The following ATAD1 variants were observed in gnomAD, a reference collection of about 807,000 sequenced individuals.
ATAD1 encodes the protein ATPase family AAA domain containing 1.
Under a neutral mutation model 42.7 loss-of-function variants are expected in ATAD1, and 18 were observed. That is an observed-to-expected ratio of 0.42 (90% CI 0.29 to 0.63). The LOEUF (loss-of-function observed/expected upper bound fraction) is 0.63. Ranked by LOEUF, ATAD1 falls within the 20% of genes least tolerant of loss-of-function variation. ATAD1 has a pLI of 0.19. For synonymous variants in ATAD1, 132 were observed against 143.1 expected (o/e 0.92, Z 0.55); for missense variants, 294 against 440.4 (o/e 0.67, Z 2.98).
At chr10:87,809,123 T>C (rs1422082474) in intron 2 of ATAD1, among the ~76,000 whole-genome samples, 1 of 152,180 alleles carries the variant, frequency 6.6e-6, no homozygotes, top group Non-Finnish European at 1.5e-5. Context: ...GAAATGCATA[T>C]TTTTCTAAGG....
chr10:87,760,555 C>T (rs1035868437), intron 8 of ATAD1, among the ~76,000 whole-genome samples: 6 of 152,102 alleles, frequency 3.9e-5, no homozygotes, highest in South Asian at 2.1e-4. Context: ...GGTTTGAGAA[C>T]GGGCTAACAC....
Position 87,773,144 on chromosome 10 carries a change from C to A in ATAD1, c.691-2103G>T, listed in dbSNP as rs201109950. On this transcript the variant is annotated intron_variant, in intron 6 of 9. Coordinates refer to ENST00000680024, the MANE Select transcript of ATAD1 (RefSeq NM_001321967.2). The stretch of plus-strand genomic sequence containing the variant: ...CTATGTAACAAACCTGCACATATAC[C>A]CCTGAATTTAAAATAAAAGTTTAAA... Among the ~76,000 whole-genome samples, 42 of 151,936 alleles carry A rather than the reference C, an allele frequency of 2.8e-4. No homozygotes were observed. The East Asian group carries it at 7.3e-3, about 27-fold the overall frequency.
At chr10:87,821,842 A>G (rs975162732), upstream of ATAD1, among the ~76,000 whole-genome samples, 4 of 152,136 alleles carry the variant, frequency 2.6e-5, no homozygotes, top group East Asian at 7.7e-4. Flanking sequence ...AAATCAGTAA[A>G]CAAACATCTG....
intron 5 of ATAD1, among the ~76,000 whole-genome samples, chr10:87,776,723 G>A (rs988607596): frequency 3.9e-5 from 6 of 151,932 alleles, no homozygotes; most frequent in African/African-American, 1.5e-4. Flanking sequence ...TCCTGCCTTG[G>A]CCTCTCAAAG....
chr10:87,808,765 C>G (rs1857044571), intron 2 of ATAD1, among the ~76,000 whole-genome samples: 1 of 152,160 alleles, frequency 6.6e-6, no homozygotes, highest in African/African-American at 2.4e-5. Context: ...TGGGATAAAT[C>G]CAACTGGTCG....
chr10:87,809,579 G>C (rs553284903), intron 2 of ATAD1, among the ~76,000 whole-genome samples: 1 of 150,142 alleles, frequency 6.7e-6, no homozygotes, highest in Non-Finnish European at 1.5e-5. Context: ...GTTTAAACAC[G>C]TTGTTTGTTG....
At chr10:87,808,475 G>A (rs776090426) in intron 2 of ATAD1, among the ~76,000 whole-genome samples, 2 of 152,108 alleles carry the variant, frequency 1.3e-5, no homozygotes, top group African/African-American at 2.4e-5. Flanking sequence ...GCCTGAAGCC[G>A]GGAGGCAGAG....
chr10:87,839,923 T>A (rs1858000794), intron 1 of ATAD1, among the ~76,000 whole-genome samples: 1 of 152,200 alleles, frequency 6.6e-6, no homozygotes, highest in Non-Finnish European at 1.5e-5. Flanking sequence ...CACCTTTCCA[T>A]ATTGTCCTTC....
intron 7 of ATAD1, among the ~76,000 whole-genome samples, 171 bp downstream of exon 7, chr10:87,770,781 T>A (rs1349830887): frequency 8.1e-6 from 1 of 123,468 alleles, no homozygotes; most frequent in East Asian, 2.6e-4. Flanking sequence ...AATCTTAGGA[T>A]AGAAATAGAG....
At chr10:87,800,328 T>C (rs1260688358) in intron 2 of ATAD1, among the ~76,000 whole-genome samples, 1 of 152,160 alleles carries the variant, frequency 6.6e-6, no homozygotes, top group East Asian at 1.9e-4. Context: ...CTGTTTTTAG[T>C]TTTCTCTCTC....
rs189769216 is a variant in ATAD1 at position 87,753,877 on chromosome 10, G to A, written c.*810C>T. 3.9e-4 allele frequency: 60 copies of A among 152,626 alleles called. No homozygotes were observed. Among genetic ancestry groups the A allele is most frequent in the African/African-American group, 1.4e-3 (60 of 41,538 alleles). 9.5% of individuals were successfully genotyped at this position (152,626 alleles called of 1,614,324 possible). ...TGAGGTTTTTCAAACCCATTCTTTT[G>A]AAAGGCCTTTTAATCCACTTTCATG... is the stretch of plus-strand genomic sequence containing the variant. On this transcript the variant is annotated 3_prime_UTR_variant, in exon 10 of 10. Coordinates refer to ENST00000680024, the MANE Select transcript of ATAD1 (RefSeq NM_001321967.2).
chr10:87,757,708 C>T (rs752051360), intron 8 of ATAD1, among the ~76,000 whole-genome samples: 6 of 152,200 alleles, frequency 3.9e-5, no homozygotes, highest in African/African-American at 1.2e-4. Flanking sequence ...TCACTTGTTA[C>T]AGCAACATTT....
chr10:87,815,504 G>GAT (rs1486157471), intron 1 of ATAD1, among the ~76,000 whole-genome samples: 9 of 151,718 alleles, frequency 5.9e-5, no homozygotes, highest in Non-Finnish European at 1.2e-4. Flanking sequence ...AATGCTATGG[G>GAT]ATATATAAGA....
At chr10:87,805,979 TCTC>T (rs1856903921) in intron 2 of ATAD1, among the ~76,000 whole-genome samples, 1 of 152,090 alleles carries the variant, frequency 6.6e-6, no homozygotes, top group South Asian at 2.1e-4. Flanking sequence ...TTTGCAACCT[TCTC>T]CTTCTTTGGC....
At position 87,752,634 on chromosome 10, in the gene ATAD1, G is replaced by T. The variant is rs971104591; in HGVS notation, c.*2053C>A. The T allele has an allele frequency of 2.6e-5, 4 of 152,050 alleles. No homozygotes were observed. Among genetic ancestry groups the T allele is most frequent in the African/African-American group, 9.7e-5 (4 of 41,408 alleles). The allele number at this position is 152,050 out of a possible 1,614,324, so 9.4% of individuals were successfully genotyped here. On this transcript the variant is annotated 3_prime_UTR_variant, in exon 10 of 10. Coordinates refer to ENST00000680024, the MANE Select transcript of ATAD1 (RefSeq NM_001321967.2). The stretch of plus-strand genomic sequence containing the variant: ...GTATTACCCAAAATGAATTATCTTA[G>T]AATCTAGAATTCAACTATATGTGAA...
chr10:87,767,313 C>T (rs1854800664), intron 8 of ATAD1, among the ~76,000 whole-genome samples: 2 of 152,022 alleles, frequency 1.3e-5, no homozygotes, highest in Non-Finnish European at 1.5e-5. Context: ...TTCCACAGAC[C>T]TGGAGAAGTG....
chr10:87,824,742 A>ATCTTGTCTGAAATGTTTATCT (rs1554886668), intron 1 of ATAD1, among the ~76,000 whole-genome samples: 2 of 152,130 alleles, frequency 1.3e-5, no homozygotes, highest in Non-Finnish European at 1.5e-5. Flanking sequence ...CAACCATGGC[A>ATCTTGTCTGAAATGTTTATCT]TCTTGTCTGA....
intron 2 of ATAD1, among the ~76,000 whole-genome samples, chr10:87,793,479 A>C (rs939761966): frequency 1.3e-5 from 2 of 152,236 alleles, no homozygotes; most frequent in Non-Finnish European, 2.9e-5. Flanking sequence ...CCTAAGAGCC[A>C]ATACTATGAG....
chr10:87,780,768 TCAAAAGGTTCTGCTTTGTTGTTAA>T (rs1855526376), intron 5 of ATAD1, among the ~76,000 whole-genome samples: 1 of 152,162 alleles, frequency 6.6e-6, no homozygotes, highest in Non-Finnish European at 1.5e-5. Flanking sequence ...ATATACAGCA[TCAAAAGGTTCTGCTTTGTTGTTAA>T]CATCTACATA....
Sources: allele counts gnomAD v4.1 joint callset (sites outside exome capture counted in the v4.1 genomes callset), GRCh38; gene constraint gnomAD v4.1.1; transcripts MANE v1.5; gene names NCBI Gene and HGNC (gene_info 2026-07-23, HGNC 2026-07-21).